NTRK3: variants seen among roughly 807,000 people sequenced by gnomAD.
NTRK3 encodes NT-3 growth factor receptor.
In NTRK3, 24 loss-of-function variants were observed where a neutral mutation model predicts 91.7. That is an observed-to-expected ratio of 0.26 (90% CI 0.19 to 0.37). The LOEUF (loss-of-function observed/expected upper bound fraction) is 0.37, where lower values mean the gene tolerates loss of function less well. Among genes scored for constraint, NTRK3 ranks in the 10% least tolerant of loss-of-function variants. The pLI, the probability that NTRK3 is intolerant of heterozygous loss-of-function variation, is 1.00. For missense variants in NTRK3, 880 were observed against 1,068.9 expected (o/e 0.82, Z 2.46); for synonymous variants, 483 against 404.0 (o/e 1.20, Z -2.34).
rs183806623 is a variant in NTRK3, at chr15:88,135,277, C to A, written c.1028G>T (p.Arg343Leu). 5.0e-6 allele frequency: 8 copies of A among 1,614,042 alleles called. No individual in the cohort carries two copies. The highest frequency in any genetic ancestry group is 6.8e-6 in the Non-Finnish European group (8 of 1,180,036). ...TTCCACATGGATGATCTTGGACTCC[C>A]GCAGAGGCTGCCCATTGTGCAGCCA... The change falls in exon 10 of 19, where the codon CGG becomes CTG. Residue 343 changes from arginine to leucine, a missense_variant. Physicochemically the swap from Arg to Leu is moderately radical, Grantham distance 102 (BLOSUM62 -2). Transcript: ENST00000394480.
At chr15:88,135,450 G>T (rs937018699) in intron 9 of NTRK3, 53 bp from the exon 10 acceptor site, 8 of 1,577,376 alleles carry the variant, frequency 5.1e-6, no homozygotes, top group African/African-American at 1.3e-5. Context: ...ACCACCTCCT[G>T]CAGTAGCCTT....
At chr15:88,013,769 A>C (rs561432292) in intron 14 of NTRK3, among the ~76,000 whole-genome samples, 1 of 152,200 alleles carries the variant, frequency 6.6e-6, no homozygotes, top group East Asian at 1.9e-4. Context: ...TGGGGGACTG[A>C]GGTAGGTGGA....
intron 6 of NTRK3, among the ~76,000 whole-genome samples, chr15:88,140,889 G>A (rs932052596): frequency 4.6e-5 from 7 of 152,198 alleles, no homozygotes; most frequent in Admixed American, 3.9e-4. Context: ...GGGAAGAGAA[G>A]ATCCAGTTAA....
intron 17 of NTRK3, among the ~76,000 whole-genome samples, chr15:87,922,081 T>TGG (rs2067921836): frequency 6.6e-6 from 1 of 152,298 alleles, no homozygotes; most frequent in African/African-American, 2.4e-5. Context: ...GAAAGCATGG[T>TGG]GGAACCCTGT....
chr15:87,915,321 A>C (rs1410462061), intron 17 of NTRK3, among the ~76,000 whole-genome samples: 1 of 152,246 alleles, frequency 6.6e-6, no homozygotes, highest in African/African-American at 2.4e-5. Context: ...GGACAGGTGC[A>C]TCACCCTAAG....
intron 13 of NTRK3, among the ~76,000 whole-genome samples, chr15:88,094,205 G>T (rs1011482008): frequency 2.0e-5 from 3 of 152,084 alleles, no homozygotes; most frequent in Non-Finnish European, 4.4e-5. Context: ...GGTGGCTCAC[G>T]CCTGTAATCC....
chr15:88,170,565 T>C (rs1449676545), intron 5 of NTRK3, among the ~76,000 whole-genome samples: 1 of 152,200 alleles, frequency 6.6e-6, no homozygotes, highest in Non-Finnish European at 1.5e-5. Context: ...GTACCCATTT[T>C]ATAGATGAGG....
In NTRK3 at chr15:88,004,857, C is replaced by A. The variant is rs115088551; in HGVS notation, c.1585+28000G>T. 2.0e-3 allele frequency among the ~76,000 whole-genome samples: 311 copies of A among 152,258 alleles called. 1 individual carries two copies. Among genetic ancestry groups the A allele is most frequent in the African/African-American group, 7.1e-3 (296 of 41,558 alleles). ...CTCAAGTGAATGATGGTCTCACTAT[C>A]ATTCAACTCCTCTTGATCTGTGGCA... On this transcript the variant is annotated intron_variant, in intron 14 of 18. Transcript: ENST00000394480.
At chr15:88,248,055 C>G (rs1192513721) in intron 3 of NTRK3, among the ~76,000 whole-genome samples, 3 of 152,222 alleles carry the variant, frequency 2.0e-5, no homozygotes, top group African/African-American at 7.2e-5. Flanking sequence ...CATCCAGGCT[C>G]TCGCTGGCCA....
chr15:88,088,406 G>A (rs2150730158), intron 13 of NTRK3, among the ~76,000 whole-genome samples: 1 of 152,296 alleles, frequency 6.6e-6, no homozygotes, highest in Middle Eastern at 3.4e-3. Context: ...TCTGCTATGA[G>A]GAAAACGTGG....
chr15:88,164,852 T>C (rs990475121), intron 5 of NTRK3, among the ~76,000 whole-genome samples: 3 of 152,246 alleles, frequency 2.0e-5, no homozygotes, highest in African/African-American at 7.2e-5. Flanking sequence ...CCATGCAGTC[T>C]TTTGGCCTCT....
At chr15:87,899,159 G>C (rs953196218) in intron 17 of NTRK3, among the ~76,000 whole-genome samples, 20 of 152,262 alleles carry the variant, frequency 1.3e-4, no homozygotes, top group African/African-American at 3.8e-4. Flanking sequence ...TCTGGGTCCA[G>C]GATTTAAATA....
chr15:87,862,433 G>A (rs1441072545), exon 19 of NTRK3: 1 of 227,780 alleles, frequency 4.4e-6, no homozygotes, highest in Non-Finnish European at 8.7e-6. Flanking sequence ...ATAAGATATA[G>A]GGGAAATTCA....
chr15:88,064,463 T>C (rs2046477260), intron 13 of NTRK3, among the ~76,000 whole-genome samples: 1 of 152,180 alleles, frequency 6.6e-6, no homozygotes, highest in Non-Finnish European at 1.5e-5. Context: ...TCTTTTTTTT[T>C]CTCTAATGCA....
intron 14 of NTRK3, among the ~76,000 whole-genome samples, chr15:87,958,804 C>A (rs2071940570): frequency 6.6e-6 from 1 of 152,024 alleles, no homozygotes; most frequent in Non-Finnish European, 1.5e-5. Context: ...CTCTTCCATC[C>A]CTCACCCCAA....
intron 14 of NTRK3, among the ~76,000 whole-genome samples, chr15:87,974,283 T>C (rs1021199275): frequency 6.6e-6 from 1 of 152,170 alleles, no homozygotes. Context: ...AGAGGTCAGA[T>C]TCTTGACTTC....
At chr15:87,905,007 C>T (rs2066679490) in intron 17 of NTRK3, among the ~76,000 whole-genome samples, 1 of 152,204 alleles carries the variant, frequency 6.6e-6, no homozygotes, top group African/African-American at 2.4e-5. Context: ...GGAAACTAGA[C>T]AAGGGTCCCT....
At chr15:88,104,228 C>G (rs1474051608) in intron 13 of NTRK3, among the ~76,000 whole-genome samples, 4 of 152,350 alleles carry the variant, frequency 2.6e-5, no homozygotes, top group South Asian at 4.1e-4. Flanking sequence ...GACGACTTTT[C>G]ACTGCATGCA....
At chr15:87,906,775 C>A (rs935070948) in intron 17 of NTRK3, among the ~76,000 whole-genome samples, 1 of 152,200 alleles carries the variant, frequency 6.6e-6, no homozygotes, top group African/African-American at 2.4e-5. Context: ...CCACCACCAA[C>A]ACCACCACTA....
Sources: gnomAD v4.1 joint callset for allele counts (sites outside exome capture counted in the v4.1 genomes callset) on GRCh38, gnomAD v4.1.1 for gene constraint, MANE v1.5 for transcripts, NCBI Gene and HGNC (gene_info 2026-07-23, HGNC 2026-07-21) for gene names.